Variants in CACNA1B observed in about 807,000 individuals in gnomAD.
CACNA1B encodes the protein calcium voltage-gated channel subunit alpha1 B.
CACNA1B carries 70 observed loss-of-function variants against 247.2 expected under a neutral mutation model. That is an observed-to-expected ratio of 0.28 (90% CI 0.23 to 0.35). The LOEUF is 0.35. Ranked by LOEUF, CACNA1B falls within the 10% of genes least tolerant of loss-of-function variation. CACNA1B has a pLI of 1.00. For synonymous variants in CACNA1B, 1,231 were observed against 1,294.4 expected (o/e 0.95, Z 1.05); for missense variants, 2,367 against 3,197.4 (o/e 0.74, Z 6.26).
At chr9:137,967,864 T>G (rs1181801026) in intron 10 of CACNA1B, among the ~76,000 whole-genome samples, 1 of 152,234 alleles carries the variant, frequency 6.6e-6, no homozygotes, top group African/African-American at 2.4e-5. Flanking sequence ...CTTGATCTCC[T>G]GCATCTGGAG....
chr9:138,065,067 C>T (rs560193950), intron 31 of CACNA1B, among the ~76,000 whole-genome samples: 2 of 152,326 alleles, frequency 1.3e-5, no homozygotes, highest in South Asian at 4.1e-4. Context: ...TGAGGTTTTC[C>T]AAGCTCCTGG....
intron 6 of CACNA1B, among the ~76,000 whole-genome samples, chr9:137,948,677 G>C (rs1957826701): frequency 6.6e-6 from 1 of 151,786 alleles, no homozygotes. Context: ...TGTGTCTGGT[G>C]TGTGTGGTGT....
At chr9:138,044,659 C>G (rs1959168968) in intron 21 of CACNA1B, among the ~76,000 whole-genome samples, 1 of 152,172 alleles carries the variant, frequency 6.6e-6, no homozygotes, top group Non-Finnish European at 1.5e-5. Flanking sequence ...AGGGGTGGAA[C>G]CACACAAGAG....
chr9:137,956,670 A>C, intron 8 of CACNA1B, 101 bp from the exon 9 acceptor site: 1 of 867,936 alleles, frequency 1.2e-6, no homozygotes, highest in Non-Finnish European at 1.7e-6. Flanking sequence ...AAAAAAAAAA[A>C]GAGCTGAGAA....
rs1220863339 is a variant in CACNA1B at position 137,914,721 on chromosome 9, C to A, written c.690C>A (p.Leu230=). Residue 230 remains leucine, a synonymous_variant, in exon 5 of 47, where the codon CTC becomes CTA. Transcript: ENST00000371372. The surrounding 1 kb of genome is among the most constrained non-coding windows in gnomAD (Gnocchi z 4.3). ...MVPLLQIGLL[L]FFAILMFAII... The stretch of plus-strand genomic sequence containing the variant: ...CACTCCTGCAGATTGGGCTGCTTCT[C>A]TTCTTTGCCATCCTCATGTTTGCCA... 1 of 1,614,018 alleles carries A rather than the reference C, an allele frequency of 6.2e-7. No individual in the cohort carries two copies. The highest frequency in any genetic ancestry group is 1.1e-5 in the South Asian group (1 of 91,066).
Position 138,023,257 on chromosome 9 carries a change from T to A in CACNA1B, c.2514T>A (p.Ala838=), listed in dbSNP as rs1268706676. 72 of 1,514,666 alleles carry A rather than the reference T, an allele frequency of 4.8e-5. No individual in the cohort carries two copies. Among genetic ancestry groups the A allele is most frequent in the Non-Finnish European group, 6.1e-5 (70 of 1,139,748 alleles). 93.8% of individuals were successfully genotyped at this position (1,514,666 alleles called of 1,614,324 possible). ...GPVGGKARPE[A]AEAPEGVDPP... ...TGGGAGGCAAAGCCCGACCTGAGGCTGCGGAGGCCCCCGAGGGCGTCGACC... is the reference window on the plus strand; with the variant it reads ...TGGGAGGCAAAGCCCGACCTGAGGCAGCGGAGGCCCCCGAGGGCGTCGACC... The change falls in exon 19 of 47, where the codon GCT becomes GCA. Residue 838 remains alanine, a synonymous_variant. Coordinates refer to ENST00000371372, the MANE Select transcript of CACNA1B (RefSeq NM_000718.4).
chr9:137,940,675 A>C (rs942205852), intron 6 of CACNA1B, among the ~76,000 whole-genome samples: 4 of 152,200 alleles, frequency 2.6e-5, no homozygotes, highest in Non-Finnish European at 4.4e-5. Context: ...TCAACAAAAT[A>C]CTAGCTAACT....
intron 13 of CACNA1B, among the ~76,000 whole-genome samples, chr9:137,985,476 A>G (rs1284587647): frequency 6.6e-6 from 1 of 152,224 alleles, no homozygotes; most frequent in Non-Finnish European, 1.5e-5. Context: ...AGGCTGGCCT[A>G]GACCCCTGCT....
chr9:137,909,910 A>G (rs969119497), intron 3 of CACNA1B, among the ~76,000 whole-genome samples: 2 of 152,012 alleles, frequency 1.3e-5, no homozygotes, highest in East Asian at 3.9e-4. Context: ...GGTTGGGATT[A>G]CAGGCCCCCA....
intron 6 of CACNA1B, among the ~76,000 whole-genome samples, chr9:137,947,114 A>G (rs1305569862): frequency 6.6e-6 from 1 of 152,156 alleles, no homozygotes; most frequent in African/African-American, 2.4e-5. Flanking sequence ...GTTACACTCT[A>G]TGTAAATGAA....
At chr9:138,018,045 C>T (rs1386408726) in intron 18 of CACNA1B, among the ~76,000 whole-genome samples, 92 of 57,604 alleles carry the variant, frequency 1.6e-3, no homozygotes, top group African/African-American at 5.9e-3. Flanking sequence ...ATGGAAGTGG[C>T]CAGGTGCAGT....
rs918812241 is a variant in CACNA1B at position 138,020,083 on chromosome 9, C to G, written c.2268-2928C>G. The stretch of plus-strand genomic sequence containing the variant: ...CTGCACTCCAGCCTGGGCGACACAG[C>G]GAGACTCTGTCTCCCAAAAAAAAAA... On this transcript the variant is annotated intron_variant, in intron 18 of 46. Transcript: ENST00000371372. The surrounding 1 kb of genome is among the most constrained non-coding windows in gnomAD (Gnocchi z 4.1). Among the ~76,000 whole-genome samples, 3 of 131,630 alleles carry G rather than the reference C, an allele frequency of 2.3e-5. No homozygotes were observed. The highest frequency in any genetic ancestry group is 9.4e-5 in the African/African-American group (3 of 31,950). The allele number at this position is 131,630 out of a possible 152,430, so 86.4% of individuals were successfully genotyped here.
chr9:137,907,150 A>G lies in CACNA1B; in HGVS notation c.531-6030A>G, dbSNP rs1050490838. Among the ~76,000 whole-genome samples, 3 of 152,326 alleles carry G rather than the reference A, an allele frequency of 2.0e-5. No individual in the cohort carries two copies. In the East Asian group the frequency reaches 5.8e-4, roughly 29 times the overall value. Reference sequence around the variant, plus strand: ...TGTCTGTGTATTCACACACAGATATATGATTATTTCACAGCTCTCCTCTAC... The same window carrying G: ...TGTCTGTGTATTCACACACAGATATGTGATTATTTCACAGCTCTCCTCTAC... On this transcript the variant is annotated intron_variant, in intron 3 of 46. Transcript: ENST00000371372.
At chr9:138,004,276 G>A (rs147377087) in intron 15 of CACNA1B, among the ~76,000 whole-genome samples, 333 of 152,246 alleles carry the variant, frequency 2.2e-3, no homozygotes, top group African/African-American at 7.7e-3. Context: ...GCCGGGTGCA[G>A]TGGCTCACCC....
At chr9:137,985,441 G>A (rs1958345549) in intron 13 of CACNA1B, among the ~76,000 whole-genome samples, 1 of 152,196 alleles carries the variant, frequency 6.6e-6, no homozygotes, top group Non-Finnish European at 1.5e-5. Context: ...TTTCTCCCAG[G>A]AAGTAGGTGA....
At chr9:138,022,802 C>A (rs1485324420) in intron 18 of CACNA1B, among the ~76,000 whole-genome samples, 2 of 62,156 alleles carry the variant, frequency 3.2e-5, no homozygotes, top group East Asian at 1.4e-3. Context: ...CTGTGGGACA[C>A]CGTGGGGGGG....
chr9:138,027,041 CT>C (rs1164310817), intron 20 of CACNA1B, among the ~76,000 whole-genome samples: 7 of 152,118 alleles, frequency 4.6e-5, no homozygotes, highest in Non-Finnish European at 7.4e-5. Flanking sequence ...TTTTAATGTG[CT>C]TATTTGCCAT....
chr9:137,935,524 T>A (rs779778209), intron 6 of CACNA1B, among the ~76,000 whole-genome samples: 2 of 152,210 alleles, frequency 1.3e-5, no homozygotes, highest in South Asian at 4.1e-4. Flanking sequence ...TTGGGTTAGT[T>A]CTTAGTCTTT....
At position 138,028,993 on chromosome 9, in the gene CACNA1B, G is replaced by C. The variant is rs548056664; in HGVS notation, c.3286+3821G>C. ...CCATCTTGAAGGATTAGCTCTTTCA[G>C]GTTTCTTCACACAACCAACTGAATT... On this transcript the variant is annotated intron_variant, in intron 20 of 46. Transcript: ENST00000371372. Among the ~76,000 whole-genome samples, 203 of 152,320 alleles carry C rather than the reference G, an allele frequency of 1.3e-3. 2 individuals carry two copies. The highest frequency in any genetic ancestry group is 6.3e-4 in the Non-Finnish European group (43 of 68,038).
Sources: gnomAD v4.1 joint callset for allele counts (sites outside exome capture counted in the v4.1 genomes callset) on GRCh38, gnomAD v4.1.1 for gene constraint, Gnocchi (gnomAD v3.1) non-coding constraint, MANE v1.5 for transcripts, NCBI Gene and HGNC (gene_info 2026-07-23, HGNC 2026-07-21) for gene names.